PTPRT: variants seen among roughly 807,000 people sequenced by gnomAD.
The protein encoded by PTPRT is receptor-type tyrosine-protein phosphatase T.
Under a neutral mutation model 176.8 loss-of-function variants are expected in PTPRT, and 56 were observed. The ratio of observed to expected loss-of-function variants is 0.32; its 90% CI spans 0.26 to 0.40. The LOEUF (loss-of-function observed/expected upper bound fraction) is 0.40, where lower values mean the gene tolerates loss of function less well. PTPRT is among the 10% of genes least tolerant of loss of function. PTPRT has a pLI of 1.00. For synonymous variants in PTPRT, 783 were observed against 739.0 expected (o/e 1.06, Z -0.96); for missense variants, 1,540 against 1,908.2 (o/e 0.81, Z 3.60).
intron 14 of PTPRT, among the ~76,000 whole-genome samples, chr20:42,245,597 C>T (rs1489906185): frequency 1.3e-5 from 2 of 152,180 alleles, no homozygotes; most frequent in East Asian, 3.9e-4. Flanking sequence ...ATTAATTTAG[C>T]TTTTTTCATT....
chr20:42,281,573 G>A (rs1350710102), intron 13 of PTPRT, among the ~76,000 whole-genome samples: 1 of 152,060 alleles, frequency 6.6e-6, no homozygotes. Context: ...CGTTGTGCAT[G>A]TGTCTATATA....
chr20:43,117,154 C>A (rs1203797428), intron 1 of PTPRT, among the ~76,000 whole-genome samples: 3 of 152,150 alleles, frequency 2.0e-5, no homozygotes, highest in Non-Finnish European at 4.4e-5. Context: ...ACACTTCCAC[C>A]TATATTTTAT....
chr20:42,499,744 C>T (rs896148257), intron 7 of PTPRT, among the ~76,000 whole-genome samples: 3 of 152,128 alleles, frequency 2.0e-5, no homozygotes, highest in Admixed American at 1.3e-4. Flanking sequence ...CAAATCATTG[C>T]ACACCTCCAA....
chr20:42,438,642 C>A (rs1352836135), intron 9 of PTPRT, among the ~76,000 whole-genome samples: 1 of 152,184 alleles, frequency 6.6e-6, no homozygotes, highest in East Asian at 1.9e-4. Context: ...TATGCTCATA[C>A]ACACACCCCA....
intron 1 of PTPRT, among the ~76,000 whole-genome samples, chr20:43,093,311 C>CTT (rs1410425934): frequency 2.6e-5 from 4 of 152,202 alleles, no homozygotes; most frequent in African/African-American, 4.8e-5. Context: ...ATACCCAAAA[C>CTT]TTTACTTCCA....
intron 15 of PTPRT, among the ~76,000 whole-genome samples, chr20:42,205,852 T>C (rs2055445218): frequency 6.6e-6 from 1 of 152,138 alleles, no homozygotes; most frequent in Non-Finnish European, 1.5e-5. Context: ...GAGGCCCTGC[T>C]TCTACTAAAA....
In PTPRT at chr20:42,427,504, G is replaced by A. The variant is rs539766603; in HGVS notation, c.1560+20716C>T. Among the ~76,000 whole-genome samples the A allele has an allele frequency of 4.2e-5, 6 of 141,264 alleles. No homozygotes were observed. The East Asian group carries it at 8.3e-4, about 20-fold the overall frequency. 92.7% of individuals were successfully genotyped at this position (141,264 alleles called of 152,430 possible). On this transcript the variant is annotated intron_variant, in intron 9 of 30. Transcript: ENST00000373187. Reference sequence around the variant, plus strand: ...GTCTAGTGAGGTTTTGTTCTTCATCGATGGCGCCTTCTAGCTGTGTCTTAA... The same window carrying A: ...GTCTAGTGAGGTTTTGTTCTTCATCAATGGCGCCTTCTAGCTGTGTCTTAA...
intron 16 of PTPRT, among the ~76,000 whole-genome samples, chr20:42,186,979 A>G (rs1290869328): frequency 1.3e-5 from 2 of 152,172 alleles, no homozygotes; most frequent in Non-Finnish European, 2.9e-5. Flanking sequence ...TATCCTTGCT[A>G]TTAAGGGGAA....
chr20:42,350,528 C>T, intron 11 of PTPRT, 100 bp downstream of exon 11: 4 of 1,004,218 alleles, frequency 4.0e-6, no homozygotes, highest in Non-Finnish European at 1.6e-6. Flanking sequence ...TGTTCCTGGC[C>T]AGTCTTGCCC....
Position 42,678,042 on chromosome 20 carries a change from T to C in PTPRT, c.977A>G (p.Glu326Gly). The change falls in exon 7 of 31, where the codon GAA becomes GGA. Residue 326 changes from glutamate (E) to glycine (G), a missense_variant. By Grantham distance (98) the Glu-to-Gly change is moderately conservative. Coordinates refer to ENST00000373187, the MANE Select transcript of PTPRT (RefSeq NM_007050.6). ...CCACGTGCCTGTGGTGGTGCGATAT[T>C]CCACTTCCTTCAGGATGATGGGGCC... Reference protein sequence around the residue: ...GDGPIILKEVEYRTTTGTWAE... With the variant: ...GDGPIILKEVGYRTTTGTWAE... The C allele has an allele frequency of 6.2e-7, 1 of 1,614,142 alleles. No individual in the cohort carries two copies. Among genetic ancestry groups the C allele is most frequent in the Non-Finnish European group, 8.5e-7 (1 of 1,180,028 alleles).
intron 1 of PTPRT, among the ~76,000 whole-genome samples, chr20:43,178,863 A>G (rs1472387256): frequency 6.6e-6 from 1 of 152,216 alleles, no homozygotes; most frequent in Non-Finnish European, 1.5e-5. Context: ...TCCCCAAGGC[A>G]GATGAAGGGT....
chr20:42,810,844 C>T (rs1049404124), intron 2 of PTPRT, among the ~76,000 whole-genome samples: 7 of 152,316 alleles, frequency 4.6e-5, no homozygotes, highest in East Asian at 1.9e-4. Context: ...CCCCTTTGCC[C>T]GTCCAACCCG....
At chr20:42,374,460 A>G (rs2058627325) in intron 9 of PTPRT, among the ~76,000 whole-genome samples, 1 of 152,270 alleles carries the variant, frequency 6.6e-6, no homozygotes, top group South Asian at 2.1e-4. Flanking sequence ...TAAAAATCAT[A>G]CGGTAATAAT....
chr20:42,292,558 T>C (rs2057333658), intron 12 of PTPRT, among the ~76,000 whole-genome samples: 1 of 152,160 alleles, frequency 6.6e-6, no homozygotes, highest in Non-Finnish European at 1.5e-5. Context: ...TTTTCAAGGT[T>C]ACACGTATAA....
rs1568683231 is a variant in PTPRT, at chr20:42,924,884, TGG to T, written c.89-38954_89-38953del. Among the ~76,000 whole-genome samples, 3 of 152,314 alleles carry T rather than the reference TGG, an allele frequency of 2.0e-5. No individual in the cohort carries two copies. In the South Asian group the frequency reaches 6.2e-4, roughly 32 times the overall value. On this transcript the variant is annotated intron_variant, in intron 1 of 30. Coordinates refer to ENST00000373187, the MANE Select transcript of PTPRT (RefSeq NM_007050.6). ...TGGGAGCTTGTTAAACGCAGATTCT[TGG>T]GCTGTGCTCCAGGGACTCTGATTCA...
At chr20:43,005,580 T>G (rs991710690) in intron 1 of PTPRT, among the ~76,000 whole-genome samples, 3 of 152,166 alleles carry the variant, frequency 2.0e-5, no homozygotes, top group African/African-American at 7.2e-5. Context: ...TGGCCATACT[T>G]TGTGCATTAA....
At chr20:42,748,256 A>G (rs1467060935) in intron 6 of PTPRT, among the ~76,000 whole-genome samples, 2 of 152,150 alleles carry the variant, frequency 1.3e-5, no homozygotes, top group African/African-American at 4.8e-5. Flanking sequence ...GGAAGGTGGC[A>G]GGCTCTAGAT....
chr20:43,029,578 T>G (rs1986054250), intron 1 of PTPRT, among the ~76,000 whole-genome samples: 1 of 152,240 alleles, frequency 6.6e-6, no homozygotes, highest in African/African-American at 2.4e-5. Context: ...CTACGGTAAT[T>G]TGTATTATTG....
At chr20:42,350,809 T>G in intron 10 of PTPRT, 79 bp from the exon 11 acceptor site, 1 of 1,045,548 alleles carries the variant, frequency 9.6e-7, no homozygotes, top group East Asian at 2.4e-5. Context: ...CTGCCATCCT[T>G]AAAGACACAG....
Sources: allele counts gnomAD v4.1 joint callset (sites outside exome capture counted in the v4.1 genomes callset), GRCh38; gene constraint gnomAD v4.1.1; transcripts MANE v1.5; gene names NCBI Gene and HGNC (gene_info 2026-07-23, HGNC 2026-07-21).